EEFSEC: variants seen among roughly 807,000 people sequenced by gnomAD.
EEFSEC encodes eukaryotic elongation factor, selenocysteine-tRNA specific.
In EEFSEC, 43 loss-of-function variants were observed where a neutral mutation model predicts 42.1. That is an observed-to-expected ratio of 1.02 (90% CI 0.80 to 1.32). EEFSEC has a LOEUF of 1.32. EEFSEC is among the 40% of genes most tolerant of loss of function. The probability of loss-of-function intolerance (pLI) is 0.00; values close to 1 mark genes in which losing one functional copy is unlikely to be tolerated. For missense variants in EEFSEC, 745 were observed against 803.6 expected, an observed-to-expected ratio of 0.93 and a Z score of 0.88; for synonymous variants, 354 against 339.1, an observed-to-expected ratio of 1.04 and a Z score of -0.48.
At chr3:128,302,964 A>T (rs1285219305) in intron 4 of EEFSEC, among the ~76,000 whole-genome samples, 1 of 152,142 alleles carries the variant, frequency 6.6e-6, no homozygotes, top group Non-Finnish European at 1.5e-5. Context: ...AGTGCCATTG[A>T]TGGACTGTTG....
intron 6 of EEFSEC, among the ~76,000 whole-genome samples, chr3:128,386,376 A>C (rs1219462631): frequency 6.6e-6 from 1 of 152,170 alleles, no homozygotes; most frequent in African/African-American, 2.4e-5. Flanking sequence ...CCAGATTTCC[A>C]GTTTCTCTTG....
At chr3:128,397,684 C>T (rs573272864) in intron 6 of EEFSEC, among the ~76,000 whole-genome samples, 5 of 152,386 alleles carry the variant, frequency 3.3e-5, no homozygotes, top group South Asian at 4.1e-4. Context: ...GCTCACCTTC[C>T]GGAAACTGCC....
intron 1 of EEFSEC, among the ~76,000 whole-genome samples, chr3:128,190,145 G>C (rs1342834771): frequency 6.6e-6 from 1 of 152,100 alleles, no homozygotes; most frequent in African/African-American, 2.4e-5. Context: ...TTACAGGCAT[G>C]AGCCACCATG....
At chr3:128,200,921 C>G (rs994951834) in intron 1 of EEFSEC, among the ~76,000 whole-genome samples, 2 of 152,158 alleles carry the variant, frequency 1.3e-5, no homozygotes, top group Admixed American at 6.5e-5. Flanking sequence ...AAGTTCCCCA[C>G]AGCCCTAGAA....
In EEFSEC at chr3:128,264,754, T is replaced by G; in HGVS notation, c.759T>G (p.Gly253=). The G allele has an allele frequency of 2.5e-6, 4 of 1,614,110 alleles. No homozygotes were observed. Among genetic ancestry groups the G allele is most frequent in the Non-Finnish European group, 3.4e-6 (4 of 1,179,994 alleles). The change falls in exon 4 of 7, where the codon GGT becomes GGG. Residue 253 remains glycine (G), a synonymous_variant. Transcript: ENST00000254730. ...TCCTTTCAGGCTCCATCAGCCTCGG[T>G]GACAGTGTGGAGATCCCTGCCCTCA... is the stretch of plus-strand genomic sequence containing the variant. ...GTILSGSISL[G]DSVEIPALKV... is the part of the protein sequence containing the mutation.
At position 128,278,905 on chromosome 3, in the gene EEFSEC, TGCTGCTGCTGTGGCA is replaced by T. The variant is rs1340821823; in HGVS notation, c.786+14135_786+14149del. ...CTGCCCACCCCCTTGCAGCCTCCAA[TGCTGCTGCTGTGGCA>T]GCTGCTGCTGCGAAACAAACCAGGG... On this transcript the variant is annotated intron_variant, in intron 4 of 6. Transcript: ENST00000254730. Among the ~76,000 whole-genome samples, 5 of 152,358 alleles carry T rather than the reference TGCTGCTGCTGTGGCA, an allele frequency of 3.3e-5. 1 individual carries two copies. The South Asian group carries it at 8.3e-4, about 25-fold the overall frequency.
chr3:128,160,253 C>G (rs1559848007), intron 1 of EEFSEC, among the ~76,000 whole-genome samples: 1 of 152,250 alleles, frequency 6.6e-6, no homozygotes, highest in Non-Finnish European at 1.5e-5. Flanking sequence ...GAGTTCTTTG[C>G]ACAAGGGCAA....
At chr3:128,226,607 C>A (rs891351582) in intron 1 of EEFSEC, among the ~76,000 whole-genome samples, 1 of 152,188 alleles carries the variant, frequency 6.6e-6, no homozygotes, top group African/African-American at 2.4e-5. Context: ...CCTCCAGTTG[C>A]TAAATTCCCC....
chr3:128,210,079 G>T (rs2065740421), intron 1 of EEFSEC, among the ~76,000 whole-genome samples: 1 of 152,234 alleles, frequency 6.6e-6, no homozygotes, highest in Non-Finnish European at 1.5e-5. Flanking sequence ...AAGACTGGAG[G>T]CAGGAAATCC....
intron 2 of EEFSEC, among the ~76,000 whole-genome samples, chr3:128,260,487 C>A (rs577069037): frequency 6.6e-6 from 1 of 152,152 alleles, no homozygotes; most frequent in Non-Finnish European, 1.5e-5. Context: ...TCAACAAACT[C>A]CCCCAGGGAA....
chr3:128,210,385 G>A (rs569236764), intron 1 of EEFSEC, among the ~76,000 whole-genome samples: 1 of 152,322 alleles, frequency 6.6e-6, no homozygotes, highest in Admixed American at 6.5e-5. Flanking sequence ...GGGAGTAAGG[G>A]ATTATGTGTA....
chr3:128,323,748 C>T (rs1038491651), intron 4 of EEFSEC, among the ~76,000 whole-genome samples: 2 of 152,236 alleles, frequency 1.3e-5, no homozygotes, highest in African/African-American at 4.8e-5. Context: ...AGCCAGCCCC[C>T]AGGGCAGATC....
At chr3:128,394,864 G>A (rs530248633) in intron 6 of EEFSEC, among the ~76,000 whole-genome samples, 1 of 152,336 alleles carries the variant, frequency 6.6e-6, no homozygotes, top group Non-Finnish European at 1.5e-5. Context: ...GCATATGGCT[G>A]TGTGGTCAGA....
intron 6 of EEFSEC, among the ~76,000 whole-genome samples, chr3:128,395,583 C>A (rs2067971688): frequency 6.6e-6 from 1 of 152,210 alleles, no homozygotes; most frequent in East Asian, 1.9e-4. Flanking sequence ...CTCTGCATTT[C>A]CCTGTTCTTT....
chr3:128,173,103 C>CT (rs1434223125), intron 1 of EEFSEC, among the ~76,000 whole-genome samples: 1 of 152,192 alleles, frequency 6.6e-6, no homozygotes, highest in African/African-American at 2.4e-5. Context: ...TTCATGTTTG[C>CT]TTCCCCGTGA....
Position 128,246,891 on chromosome 3 carries a change from G to T in EEFSEC, c.372G>T (p.Gln124His). Residue 124 changes from glutamine (Q) to histidine (H), a missense_variant, in exon 2 of 7, where the codon CAG becomes CAT. By Grantham distance (24) the Gln-to-His change is conservative. Transcript: ENST00000254730. ...MLVIDVTKGM[Q>H]TQSAECLVIG... The stretch of plus-strand genomic sequence containing the variant: ...TCATCGATGTGACCAAGGGGATGCA[G>T]ACCCAGTCAGCGGAATGCCTTGTGA... The T allele has an allele frequency of 6.2e-7, 1 of 1,614,178 alleles. No homozygotes were observed. Among genetic ancestry groups the T allele is most frequent in the South Asian group, 1.1e-5 (1 of 91,072 alleles).
In EEFSEC at chr3:128,268,744, G is replaced by A. The variant is rs962059910; in HGVS notation, c.786+3963G>A. 4.6e-5 allele frequency among the ~76,000 whole-genome samples: 7 copies of A among 152,154 alleles called. No individual in the cohort carries two copies. In the East Asian group the frequency reaches 1.4e-3, roughly 29 times the overall value. ...AAGCCAAGGGGTGCCCATGGTTGCC[G>A]GAAGCCCCCAGAAGCCAGGAGAGAG... On this transcript the variant is annotated intron_variant, in intron 4 of 6. Coordinates refer to ENST00000254730, the MANE Select transcript of EEFSEC (RefSeq NM_021937.5).
chr3:128,200,983 T>C (rs1008656890), intron 1 of EEFSEC, among the ~76,000 whole-genome samples: 4 of 152,220 alleles, frequency 2.6e-5, no homozygotes, highest in Non-Finnish European at 4.4e-5. Context: ...TCTGTGCTGC[T>C]GGTGATCCTG....
chr3:128,304,251 G>C (rs1356802791), intron 4 of EEFSEC, among the ~76,000 whole-genome samples: 2 of 151,562 alleles, frequency 1.3e-5, no homozygotes, highest in Non-Finnish European at 2.9e-5. Context: ...GTTGAATATA[G>C]ATGTAATATA....
Sources: gnomAD v4.1 joint callset for allele counts (sites outside exome capture counted in the v4.1 genomes callset) on GRCh38, gnomAD v4.1.1 for gene constraint, MANE v1.5 for transcripts, NCBI Gene and HGNC (gene_info 2026-07-23, HGNC 2026-07-21) for gene names.